ECT2: variants seen among roughly 807,000 people sequenced by gnomAD.
ECT2 encodes the protein protein ECT2.
Under a neutral mutation model 116.9 loss-of-function variants are expected in ECT2, and 61 were observed. The observed-to-expected ratio is 0.52, with a 90% CI of 0.42 to 0.65. The LOEUF is 0.65. Among genes scored for constraint, ECT2 ranks in the 30% least tolerant of loss-of-function variants. The pLI, the probability that ECT2 is intolerant of heterozygous loss-of-function variation, is 0.00. For synonymous variants in ECT2, 358 were observed against 346.4 expected (o/e 1.03, Z -0.37); for missense variants, 937 against 1,078.7 (o/e 0.87, Z 1.84).
intron 1 of ECT2, 76 bp downstream of exon 1, chr3:172,750,933 C>T (rs1715638653): frequency 6.6e-6 from 1 of 152,474 alleles, no homozygotes; most frequent in African/African-American, 2.4e-5. Flanking sequence ...TGCCTGCGGT[C>T]GACGTCCCCG....
chr3:172,794,739 C>T (rs994916930), intron 18 of ECT2, among the ~76,000 whole-genome samples: 20 of 152,154 alleles, frequency 1.3e-4, no homozygotes, highest in African/African-American at 4.3e-4. Context: ...TTTTTTGAAA[C>T]GGAGTCTCAG....
intron 13 of ECT2, 62 bp downstream of exon 13, chr3:172,769,205 G>C: frequency 6.9e-7 from 1 of 1,440,412 alleles, no homozygotes; most frequent in South Asian, 1.4e-5. Flanking sequence ...AAAAAATCTA[G>C]GTGATATTGT....
rs1406944300 is a variant in ECT2 at position 172,815,636 on chromosome 3, C to T, written c.2433C>T (p.Ser811=). 1.3e-6 allele frequency: 2 copies of T among 1,598,396 alleles called. No individual in the cohort carries two copies. Residue 811 remains serine (S), a synonymous_variant, in exon 23 of 25, where the codon TCC becomes TCT. Transcript: ENST00000392692. ...ENLIYTADPE[S]FEVNTKDMDS... ...TTATTTATACTGCTGATCCAGAATC[C>T]TTTGAAGTAAATACAAAAGATATGG...
intron 8 of ECT2, among the ~76,000 whole-genome samples, 181 bp downstream of exon 8, chr3:172,761,864 GAT>G (rs1718371321): frequency 6.6e-6 from 1 of 151,994 alleles, no homozygotes; most frequent in African/African-American, 2.4e-5. Context: ...AAAATTGAAA[GAT>G]ATCTTTGATA....
At chr3:172,825,355 A>G (rs193287805), downstream of ECT2, among the ~76,000 whole-genome samples, 489 of 152,128 alleles carry the variant, frequency 3.2e-3, 2 homozygotes, top group Middle Eastern at 0.017. Flanking sequence ...TAATCCTACA[A>G]TGGCCTCTAA....
intron 21 of ECT2, among the ~76,000 whole-genome samples, chr3:172,807,285 G>A (rs986817736): frequency 1.3e-5 from 2 of 152,154 alleles, no homozygotes; most frequent in African/African-American, 4.8e-5. Context: ...TTTCAATACA[G>A]ATACAATCTG....
At chr3:172,758,321 T>G (rs1259257599) in intron 5 of ECT2, among the ~76,000 whole-genome samples, 1 of 152,232 alleles carries the variant, frequency 6.6e-6, no homozygotes, top group African/African-American at 2.4e-5. Flanking sequence ...TAAGCACATG[T>G]TAACCTTTAA....
chr3:172,826,001 C>G (rs974813973), downstream of ECT2, among the ~76,000 whole-genome samples: 1 of 152,180 alleles, frequency 6.6e-6, no homozygotes, highest in African/African-American at 2.4e-5. Flanking sequence ...TCAAGCAATT[C>G]CACTGCCTCA....
In ECT2 at chr3:172,796,641, T is replaced by G. The variant is rs1212917725; in HGVS notation, c.1908-5975T>G. 2.6e-5 allele frequency: 4 copies of G among 152,328 alleles called. No individual in the cohort carries two copies. In the East Asian group the frequency reaches 7.7e-4, roughly 29 times the overall value. 9.4% of individuals were successfully genotyped at this position (152,328 alleles called of 1,614,324 possible). A position where few individuals can be genotyped will look rare whatever the true frequency, so the allele number is the denominator to read the frequency against. The stretch of plus-strand genomic sequence containing the variant: ...CTCAATTCAGGTTAAAAATGCTGTC[T>G]TCTTTATTTAAAATTATTTTAATTA... On this transcript the variant is annotated intron_variant, in intron 18 of 24. Coordinates refer to ENST00000392692, the MANE Select transcript of ECT2 (RefSeq NM_001258315.2).
At position 172,762,505 on chromosome 3, in the gene ECT2, A is replaced by G. The variant is rs762544820; in HGVS notation, c.848A>G (p.Asp283Gly). Residue 283 changes from aspartate to glycine, a missense_variant, in exon 9 of 25, where the codon GAT becomes GGT. By Grantham distance (94) the Asp-to-Gly change is moderately conservative (BLOSUM62 -1). Transcript: ENST00000392692. ...ATTTTAAGTTTCCTGGGATTTTCAG[A>G]TGAAGAGAAAACCAATATGGAAGAA... ...DCILSFLGFS[D>G]EEKTNMEEMT... is the part of the protein sequence containing the mutation. 6.3e-7 allele frequency: 1 copy of G among 1,597,134 alleles called. No individual in the cohort carries two copies. Among genetic ancestry groups the G allele is most frequent in the Non-Finnish European group, 8.5e-7 (1 of 1,176,152 alleles).
chr3:172,788,953 G>A (rs1183067758), intron 18 of ECT2, among the ~76,000 whole-genome samples: 1 of 151,292 alleles, frequency 6.6e-6, no homozygotes, highest in African/African-American at 2.4e-5. Flanking sequence ...AGCTACTTGG[G>A]AGGCTGAGGC....
chr3:172,818,380 A>G, intron 24 of ECT2: 1 of 313,796 alleles, frequency 3.2e-6, no homozygotes, highest in Non-Finnish European at 4.7e-6. Context: ...CAACTATTGT[A>G]AACATTTTCA....
chr3:172,768,246 T>C (rs1192250031), intron 12 of ECT2, among the ~76,000 whole-genome samples: 1 of 152,204 alleles, frequency 6.6e-6, no homozygotes, highest in East Asian at 1.9e-4. Flanking sequence ...TTTTCCTCTT[T>C]ACATGTAAGT....
chr3:172,816,963 G>A, intron 24 of ECT2, 126 bp downstream of exon 24: 1 of 701,782 alleles, frequency 1.4e-6, no homozygotes, highest in Non-Finnish European at 2.2e-6. Flanking sequence ...ATTTAACCCA[G>A]TATGCTAAAA....
At position 172,803,377 on chromosome 3, in the gene ECT2, T is replaced by A. The variant is rs554272220; in HGVS notation, c.2106+397T>A. Among the ~76,000 whole-genome samples, 5 of 152,338 alleles carry A rather than the reference T, an allele frequency of 3.3e-5. No homozygotes were observed. The South Asian group carries it at 1.0e-3, about 32-fold the overall frequency. On this transcript the variant is annotated intron_variant, in intron 20 of 24. Coordinates refer to ENST00000392692, the MANE Select transcript of ECT2 (RefSeq NM_001258315.2). ...GTATTTTGTTGAAGAGGGAGATAACTTGATAATTTACTATTATAAATTCTT... is the reference window on the plus strand; with the variant it reads ...GTATTTTGTTGAAGAGGGAGATAACATGATAATTTACTATTATAAATTCTT...
intron 18 of ECT2, among the ~76,000 whole-genome samples, chr3:172,797,045 T>TGTGTGTGTGTGTGTGTCA (rs1725797964): frequency 6.6e-6 from 1 of 151,758 alleles, no homozygotes; most frequent in African/African-American, 2.4e-5. Flanking sequence ...TGTGTGTGTG[T>TGTGTGTGTGTGTGTGTCA]GTGTGTGTCA....
chr3:172,774,145 A>G, intron 14 of ECT2, 123 bp downstream of exon 14: 1 of 847,698 alleles, frequency 1.2e-6, no homozygotes, highest in Non-Finnish European at 1.8e-6. Flanking sequence ...TTCCCTTATT[A>G]GTTCCTTTGA....
chr3:172,752,318 C>T (rs2861004), intron 1 of ECT2: 70,889 of 151,640 alleles, frequency 0.47, 19,483 homozygotes, highest in East Asian at 0.69. Flanking sequence ...TTAGTAGAGA[C>T]GGGGTTTCAT....
intron 18 of ECT2, among the ~76,000 whole-genome samples, chr3:172,793,997 C>G (rs574904319): frequency 6.6e-6 from 1 of 151,176 alleles, no homozygotes; most frequent in Non-Finnish European, 1.5e-5. Context: ...AGTTAAAAGG[C>G]TTTTTTTAAA....
Sources: allele counts gnomAD v4.1 joint callset (sites outside exome capture counted in the v4.1 genomes callset), GRCh38; gene constraint gnomAD v4.1.1; transcripts MANE v1.5; gene names NCBI Gene and HGNC (gene_info 2026-07-23, HGNC 2026-07-21).